Variants in PLSCR4 observed in about 807,000 individuals in gnomAD.
PLSCR4 encodes Ca(2+)-dependent phospholipid scramblase 4.
PLSCR4 carries 25 observed loss-of-function variants against 36.3 expected under a neutral mutation model. The ratio of observed to expected loss-of-function variants is 0.69; its 90% CI spans 0.50 to 0.96. The LOEUF (loss-of-function observed/expected upper bound fraction) is 0.96. Among genes scored for constraint, PLSCR4 ranks in the 40% least tolerant of loss-of-function variants. The probability of loss-of-function intolerance (pLI) is 0.00; values close to 1 mark genes in which losing one functional copy is unlikely to be tolerated. For synonymous variants in PLSCR4, 122 were observed against 132.9 expected (o/e 0.92, Z 0.56); for missense variants, 408 against 414.7 (o/e 0.98, Z 0.14).
At chr3:146,201,713 G>A (rs1359302099) in intron 4 of PLSCR4, among the ~76,000 whole-genome samples, 1 of 152,064 alleles carries the variant, frequency 6.6e-6, no homozygotes, top group African/African-American at 2.4e-5. Context: ...ATTAGGGGAA[G>A]AGAAAGGAAA....
At chr3:146,239,531 A>C (rs528560000) in intron 1 of PLSCR4, among the ~76,000 whole-genome samples, 2,068 of 152,082 alleles carry the variant, frequency 0.014, 53 homozygotes, top group African/African-American at 0.047. Flanking sequence ...AAAAAAAAAA[A>C]AAAAAAAACT....
chr3:146,239,519 C>A (rs1362314926), intron 1 of PLSCR4, among the ~76,000 whole-genome samples: 180 of 110,304 alleles, frequency 1.6e-3, no homozygotes, highest in East Asian at 3.3e-3. Context: ...CATCCACATA[C>A]AAAAAAAAAA....
In PLSCR4 at chr3:146,229,695, G is replaced by A. The variant is rs1273448766; in HGVS notation, c.-21-7603C>T. Reference sequence around the variant, plus strand: ...GCTGGAGTGCAGTGGTGCAATCTTGGCTCACTGCAAGCTCCGCCTCCCGGG... The same window carrying A: ...GCTGGAGTGCAGTGGTGCAATCTTGACTCACTGCAAGCTCCGCCTCCCGGG... On this transcript the variant is annotated intron_variant, in intron 1 of 8. Transcript: ENST00000354952. Among the ~76,000 whole-genome samples the A allele has an allele frequency of 3.3e-5, 5 of 151,076 alleles. No individual in the cohort carries two copies. In the South Asian group the frequency reaches 6.3e-4, roughly 19 times the overall value.
chr3:146,247,983 G>C (rs894216180), intron 1 of PLSCR4, among the ~76,000 whole-genome samples: 1 of 152,140 alleles, frequency 6.6e-6, no homozygotes, highest in Non-Finnish European at 1.5e-5. Context: ...TTAAGGACTA[G>C]CATATCTATC....
At chr3:146,225,837 TG>T (rs1178819938) in intron 1 of PLSCR4, among the ~76,000 whole-genome samples, 4 of 151,666 alleles carry the variant, frequency 2.6e-5, no homozygotes. Context: ...GCTGAGGGAG[TG>T]GGCTCCAGCC....
At chr3:146,223,173 CAAA>C (rs2035251430) in intron 1 of PLSCR4, among the ~76,000 whole-genome samples, 1 of 151,802 alleles carries the variant, frequency 6.6e-6, no homozygotes, top group African/African-American at 2.4e-5. Context: ...GAGAATAACT[CAAA>C]GAAGAAGACT....
At chr3:146,231,331 T>C (rs1036020762) in intron 1 of PLSCR4, among the ~76,000 whole-genome samples, 2 of 152,172 alleles carry the variant, frequency 1.3e-5, no homozygotes, top group African/African-American at 4.8e-5. Flanking sequence ...TAGAAGTGTA[T>C]GTATCTTTTT....
At chr3:146,239,395 A>G (rs1218355851) in intron 1 of PLSCR4, among the ~76,000 whole-genome samples, 1 of 152,156 alleles carries the variant, frequency 6.6e-6, no homozygotes, top group Admixed American at 6.5e-5. Context: ...GACCAAAGGA[A>G]CAGAAATGAG....
intron 3 of PLSCR4, among the ~76,000 whole-genome samples, chr3:146,209,218 A>T (rs2034494615): frequency 6.6e-6 from 1 of 152,094 alleles, no homozygotes. Flanking sequence ...ATGAGGATGC[A>T]AAGGCATAGA....
intron 4 of PLSCR4, among the ~76,000 whole-genome samples, chr3:146,201,278 AT>A (rs532563799): frequency 1.3e-5 from 2 of 152,152 alleles, no homozygotes; most frequent in Non-Finnish European, 2.9e-5. Flanking sequence ...AGAGTTGTCC[AT>A]ATTAGAAAAA....
At position 146,206,719 on chromosome 3, in the gene PLSCR4, C is replaced by T; in HGVS notation, c.161G>A (p.Gly54Glu). 1 of 1,606,962 alleles carries T rather than the reference C, an allele frequency of 6.2e-7. No individual in the cohort carries two copies. Among genetic ancestry groups the T allele is most frequent in the Non-Finnish European group, 8.5e-7 (1 of 1,176,168 alleles). Residue 54 changes from glycine (G) to glutamate (E), a missense_variant, in exon 4 of 9, where the codon GGA becomes GAA. Transcript: ENST00000354952. ...ACTGTAGTATCCCATAGGCAAGCCT[C>T]CTGGGTAGCCAGTAGGTGGAGGGAC... ...TAVPPPTGYP[G>E]GLPMGYYSPQ...
intron 1 of PLSCR4, among the ~76,000 whole-genome samples, chr3:146,238,972 A>G (rs941107331): frequency 1.3e-5 from 2 of 152,206 alleles, no homozygotes; most frequent in African/African-American, 4.8e-5. Flanking sequence ...CTGGCAATGA[A>G]CAATGCAGGA....
intron 1 of PLSCR4, among the ~76,000 whole-genome samples, chr3:146,235,037 G>A (rs766261697): frequency 1.3e-5 from 2 of 152,062 alleles, no homozygotes; most frequent in Non-Finnish European, 2.9e-5. Context: ...ATGGCATTTC[G>A]GTAATACTCA....
At chr3:146,232,124 T>C (rs1394998348) in intron 1 of PLSCR4, among the ~76,000 whole-genome samples, 15 of 152,154 alleles carry the variant, frequency 9.9e-5, no homozygotes, top group Admixed American at 8.5e-4. Context: ...TCTTTCCCCA[T>C]TGCTTGGTAT....
chr3:146,220,375 T>A (rs1245687754), intron 3 of PLSCR4, among the ~76,000 whole-genome samples: 1 of 152,202 alleles, frequency 6.6e-6, no homozygotes, highest in Non-Finnish European at 1.5e-5. Context: ...GTCTCATGCA[T>A]GCCTCATACC....
intron 1 of PLSCR4, among the ~76,000 whole-genome samples, chr3:146,225,752 A>G (rs920982034): frequency 6.6e-6 from 1 of 152,082 alleles, no homozygotes; most frequent in East Asian, 1.9e-4. Flanking sequence ...GCCGACGCCC[A>G]CCCGGAACTC....
intron 6 of PLSCR4, among the ~76,000 whole-genome samples, chr3:146,197,773 T>C (rs972576175): frequency 6.6e-6 from 1 of 152,098 alleles, no homozygotes; most frequent in Non-Finnish European, 1.5e-5. Context: ...TGTACTTTCA[T>C]AAGAATTTGG....
At chr3:146,227,699 G>A (rs979730649) in intron 1 of PLSCR4, among the ~76,000 whole-genome samples, 1 of 152,126 alleles carries the variant, frequency 6.6e-6, no homozygotes, top group African/African-American at 2.4e-5. Flanking sequence ...GCAGGCACAA[G>A]GCTTGGAAGC....
rs570720643 is a variant in PLSCR4, at chr3:146,235,224, G to A, written c.-21-13132C>T. ...AATGTCATCCTCAATGCTGGAGGTT[G>A]GGCCTGGTGGGAGGTGACTGGGTGA... On this transcript the variant is annotated intron_variant, in intron 1 of 8. Coordinates refer to ENST00000354952, the MANE Select transcript of PLSCR4 (RefSeq NM_020353.3). Among the ~76,000 whole-genome samples, 146 of 152,266 alleles carry A rather than the reference G, an allele frequency of 9.6e-4. 1 individual carries two copies. Among genetic ancestry groups the A allele is most frequent in the Non-Finnish European group, 1.6e-3 (112 of 68,022 alleles).
Sources: gnomAD v4.1 joint callset for allele counts (sites outside exome capture counted in the v4.1 genomes callset) on GRCh38, gnomAD v4.1.1 for gene constraint, MANE v1.5 for transcripts, NCBI Gene and HGNC (gene_info 2026-07-23, HGNC 2026-07-21) for gene names.